The following NFIX variants were observed in gnomAD, a reference collection of about 807,000 sequenced individuals.
NFIX encodes the protein nuclear factor 1 X-type.
Under a neutral mutation model 53.3 loss-of-function variants are expected in NFIX, and 2 were observed. That is an observed-to-expected ratio of 0.04 (90% confidence interval 0.02 to 0.12). NFIX has a LOEUF of 0.12. Among genes scored for constraint, NFIX ranks in the 10% least tolerant of loss-of-function variants. The probability of loss-of-function intolerance (pLI) is 1.00; values close to 1 mark genes in which losing one functional copy is unlikely to be tolerated. For synonymous variants in NFIX, 244 were observed against 289.0 expected, an observed-to-expected ratio of 0.84 and a Z score of 1.58; for missense variants, 310 against 674.5, an observed-to-expected ratio of 0.46 and a Z score of 5.99.
At chr19:13,069,474 C>T (rs574623105) in intron 2 of NFIX, among the ~76,000 whole-genome samples, 2 of 152,368 alleles carry the variant, frequency 1.3e-5, no homozygotes, top group African/African-American at 4.8e-5. Context: ...ACCAGCTGGC[C>T]CATTGTCCCC....
Position 13,073,914 on chromosome 19 carries a change from G to T in NFIX, c.706G>T (p.Ala236Ser). The T allele has an allele frequency of 6.2e-7, 1 of 1,613,940 alleles. No homozygotes were observed. Among genetic ancestry groups the T allele is most frequent in the South Asian group, 1.1e-5 (1 of 91,078 alleles). The part of the protein sequence containing the change: ...ELVRVSQTPV[A>S]TASGPNFSLA... ...CCTCTCGTTCTTCCCAGCTCCTGTT[G>T]CAACAGCATCAGGGCCCAACTTCTC... Residue 236 changes from alanine (A) to serine (S), a missense_variant, in exon 5 of 11, where the codon GCA (alanine) becomes TCA (serine). By Grantham distance (99) the Ala-to-Ser change is moderately conservative (BLOSUM62 1). Around this residue, in one of 5 missense-constraint regions of NFIX, gnomAD observed 164 missense variants for 284.4 expected, o/e 0.58. Coordinates refer to ENST00000592199, the MANE Select transcript of NFIX (RefSeq NM_001365902.3). The surrounding 1 kb of genome is among the most constrained non-coding windows in gnomAD (Gnocchi z 4.5).
At chr19:13,008,527 A>G (rs1331459031) in intron 1 of NFIX, among the ~76,000 whole-genome samples, 1 of 151,848 alleles carries the variant, frequency 6.6e-6, no homozygotes, top group African/African-American at 2.4e-5. Context: ...GCTTGCTCCA[A>G]TCTTCCCGTC....
At chr19:13,056,000 G>T (rs2015662184) in intron 2 of NFIX, among the ~76,000 whole-genome samples, 2 of 152,218 alleles carry the variant, frequency 1.3e-5, no homozygotes, top group Admixed American at 6.5e-5. Context: ...CTGTGGGGAG[G>T]CCTGTGGGGT....
At chr19:13,077,579 C>G (rs1488888861) in intron 6 of NFIX, among the ~76,000 whole-genome samples, 1 of 152,158 alleles carries the variant, frequency 6.6e-6, no homozygotes, top group Non-Finnish European at 1.5e-5. Flanking sequence ...TCGCCCTTCC[C>G]CCGCCCCTTC....
chr19:13,030,566 C>T (rs1056348568), intron 2 of NFIX, among the ~76,000 whole-genome samples: 9 of 152,194 alleles, frequency 5.9e-5, no homozygotes, highest in African/African-American at 2.2e-4. Context: ...CCCTTCTCCC[C>T]AGGAAGCTGT....
At position 13,043,309 on chromosome 19, in the gene NFIX, G is replaced by A. The variant is rs1239443369; in HGVS notation, c.559+17757G>A. Among the ~76,000 whole-genome samples, 2 of 152,220 alleles carry A rather than the reference G, an allele frequency of 1.3e-5. No homozygotes were observed. Among genetic ancestry groups the A allele is most frequent in the Non-Finnish European group, 2.9e-5 (2 of 68,040 alleles). On this transcript the variant is annotated intron_variant, in intron 2 of 10. Coordinates refer to ENST00000592199, the MANE Select transcript of NFIX (RefSeq NM_001365902.3). This position sits in a 1 kb window ranked among gnomAD's most constrained non-coding sequence, Gnocchi z 4.0. ...CTGCTAGAAGGGGAGGGACCCTTGGGGGTCACCGTGGCATGGCAGTTTCCT... is the reference window on the plus strand; with the variant it reads ...CTGCTAGAAGGGGAGGGACCCTTGGAGGTCACCGTGGCATGGCAGTTTCCT...
At chr19:13,062,265 G>C (rs923057969) in intron 2 of NFIX, among the ~76,000 whole-genome samples, 2 of 152,166 alleles carry the variant, frequency 1.3e-5, no homozygotes, top group Non-Finnish European at 2.9e-5. Context: ...AGCAGCATCA[G>C]GGTTTCCACA....
rs554931011 is a variant in NFIX, at chr19:13,005,991, G to A, written c.27+10127G>A. ...CAGCCGGGAGCCTGTGCATTCCTTCGACAAATATTTACCAAGCACCTCCTG... is the reference window on the plus strand; with the variant it reads ...CAGCCGGGAGCCTGTGCATTCCTTCAACAAATATTTACCAAGCACCTCCTG... On this transcript the variant is annotated intron_variant, in intron 1 of 10. Coordinates refer to ENST00000592199, the MANE Select transcript of NFIX (RefSeq NM_001365902.3). This position sits in a 1 kb window ranked among gnomAD's most constrained non-coding sequence, Gnocchi z 4.7. 6.6e-6 allele frequency among the ~76,000 whole-genome samples: 1 copy of A among 152,178 alleles called. No individual in the cohort carries two copies. The highest frequency in any genetic ancestry group is 1.5e-5 in the Non-Finnish European group (1 of 68,034).
At chr19:13,069,160 T>G (rs1176028817) in intron 2 of NFIX, among the ~76,000 whole-genome samples, 3 of 152,154 alleles carry the variant, frequency 2.0e-5, no homozygotes, top group Non-Finnish European at 4.4e-5. Context: ...CTATCCCATC[T>G]CCAACCAGTA....
intron 1 of NFIX, among the ~76,000 whole-genome samples, chr19:13,017,951 C>T (rs1280355519): frequency 6.6e-6 from 1 of 152,226 alleles, no homozygotes; most frequent in African/African-American, 2.4e-5. Flanking sequence ...GGAAGCCCTT[C>T]CCTGTCATCT....
Position 13,001,994 on chromosome 19 carries a change from C to A in NFIX, c.27+6130C>A, listed in dbSNP as rs891723004. The stretch of plus-strand genomic sequence containing the variant: ...CACAGGCCTCCCTCTGTCTGCCCGG[C>A]GCACATTGATCTTGGCTTCTGCCTG... On this transcript the variant is annotated intron_variant, in intron 1 of 10. Coordinates refer to ENST00000592199, the MANE Select transcript of NFIX (RefSeq NM_001365902.3). This position sits in a 1 kb window ranked among gnomAD's most constrained non-coding sequence, Gnocchi z 6.5. Among the ~76,000 whole-genome samples the A allele has an allele frequency of 6.6e-6, 1 of 152,184 alleles. No homozygotes were observed. The highest frequency in any genetic ancestry group is 1.5e-5 in the Non-Finnish European group (1 of 68,018).
Position 12,997,653 on chromosome 19 carries a change from C to CA in NFIX, c.27+1791dup, listed in dbSNP as rs569765823. 3.6e-3 allele frequency among the ~76,000 whole-genome samples: 545 copies of CA among 152,382 alleles called. 4 individuals carry two copies. Among genetic ancestry groups the CA allele is most frequent in the African/African-American group, 0.012 (518 of 41,596 alleles). Reference sequence around the variant, plus strand: ...CCTAGTGGAACCAAGACCCCACGCTCAAGCAGCCCCTTGCCCACCAGGCTG... The same window carrying CA: ...CCTAGTGGAACCAAGACCCCACGCTCAAAGCAGCCCCTTGCCCACCAGGCTG... On this transcript the variant is annotated intron_variant, in intron 1 of 10. Transcript: ENST00000592199.
intron 8 of NFIX, among the ~76,000 whole-genome samples, chr19:13,084,070 C>G (rs1398764846): frequency 6.6e-6 from 1 of 152,220 alleles, no homozygotes; most frequent in African/African-American, 2.4e-5. Context: ...TCCCAACTTT[C>G]TAGGTGATGC....
rs927794993 is a variant in NFIX at position 13,097,186 on chromosome 19, A to C, written c.*2537A>C. ...TTTTCCCTTTTTTTTGTTCGTTTTT[A>C]GTTTTTTTTTTTTTAAGTCGTTTTC... On this transcript the variant is annotated 3_prime_UTR_variant, in exon 11 of 11. Coordinates refer to ENST00000592199, the MANE Select transcript of NFIX (RefSeq NM_001365902.3). The C allele has an allele frequency of 9.0e-5, 13 of 143,834 alleles. No individual in the cohort carries two copies. Among genetic ancestry groups the C allele is most frequent in the Non-Finnish European group, 1.5e-4 (10 of 65,964 alleles). 8.9% of individuals were successfully genotyped at this position (143,834 alleles called of 1,614,324 possible).
intron 1 of NFIX, among the ~76,000 whole-genome samples, chr19:12,997,305 T>C (rs1483373726): frequency 6.6e-6 from 1 of 152,230 alleles, no homozygotes; most frequent in Non-Finnish European, 1.5e-5. Flanking sequence ...CTAGAGTCTG[T>C]GTGTAGCCCC....
Position 13,014,520 on chromosome 19 carries a change from A to C in NFIX, c.28-10501A>C, listed in dbSNP as rs1273754559. On this transcript the variant is annotated intron_variant, in intron 1 of 10. Coordinates refer to ENST00000592199, the MANE Select transcript of NFIX (RefSeq NM_001365902.3). This position sits in a 1 kb window ranked among gnomAD's most constrained non-coding sequence, Gnocchi z 4.4. ...ACTCTGCATCCTCTCCCCTAAAAAGAATCAAGTATTTCTAGAGATCGCCTG... is the reference window on the plus strand; with the variant it reads ...ACTCTGCATCCTCTCCCCTAAAAAGCATCAAGTATTTCTAGAGATCGCCTG... The C allele has an allele frequency of 8.5e-5, 13 of 152,260 alleles. No homozygotes were observed. The highest frequency in any genetic ancestry group is 1.6e-4 in the Non-Finnish European group (11 of 68,044). The allele number at this position is 152,260 out of a possible 1,614,324, so 9.4% of individuals were successfully genotyped here. A position where few individuals can be genotyped will look rare whatever the true frequency, so the allele number is the denominator to read the frequency against.
At position 13,021,457 on chromosome 19, in the gene NFIX, C is replaced by T. The variant is rs562517734; in HGVS notation, c.28-3564C>T. Among the ~76,000 whole-genome samples the T allele has an allele frequency of 2.6e-5, 4 of 152,098 alleles. No individual in the cohort carries two copies. The highest frequency in any genetic ancestry group is 2.1e-4 in the South Asian group (1 of 4,824). On this transcript the variant is annotated intron_variant, in intron 1 of 10. Transcript: ENST00000592199. The surrounding 1 kb of genome is among the most constrained non-coding windows in gnomAD (Gnocchi z 4.2). Reference sequence around the variant, plus strand: ...TTTTGGCATGCCCCAGGTGCTCTTCCGGGAACCTTTCTGCCAACATAAAGG... The same window carrying T: ...TTTTGGCATGCCCCAGGTGCTCTTCTGGGAACCTTTCTGCCAACATAAAGG...
Position 13,020,760 on chromosome 19 carries a change from G to A in NFIX, c.28-4261G>A, listed in dbSNP as rs529854529. Among the ~76,000 whole-genome samples the A allele has an allele frequency of 1.1e-4, 17 of 152,220 alleles. 1 individual carries two copies. In the South Asian group the frequency reaches 2.7e-3, roughly 24 times the overall value. On this transcript the variant is annotated intron_variant, in intron 1 of 10. Coordinates refer to ENST00000592199, the MANE Select transcript of NFIX (RefSeq NM_001365902.3). ...TCTCCTCTGATCTCTCCGCCAGTCC[G>A]TGGAGTTTTGACCCCCAACCCCTCT... is the stretch of plus-strand genomic sequence containing the variant.
At chr19:13,018,479 C>T (rs2012792176) in intron 1 of NFIX, among the ~76,000 whole-genome samples, 1 of 152,206 alleles carries the variant, frequency 6.6e-6, no homozygotes, top group Non-Finnish European at 1.5e-5. Context: ...CGCAGAGCCG[C>T]CTTTCCTGAG....
Sources: gnomAD v4.1 joint callset for allele counts (sites outside exome capture counted in the v4.1 genomes callset) on GRCh38, gnomAD v4.1.1 for gene constraint, gnomAD v4.1.1 regional missense constraint, Gnocchi (gnomAD v3.1) non-coding constraint, MANE v1.5 for transcripts, NCBI Gene and HGNC (gene_info 2026-07-23, HGNC 2026-07-21) for gene names.